Variants in RCHY1 observed in about 807,000 individuals in gnomAD.
The protein encoded by RCHY1 is RING finger and CHY zinc finger domain-containing protein 1.
In RCHY1, 21 loss-of-function variants were observed where a neutral mutation model predicts 41.6. The observed-to-expected ratio is 0.51, with a 90% CI of 0.36 to 0.73. The LOEUF is 0.73. Ranked by LOEUF, RCHY1 falls within the 30% of genes least tolerant of loss-of-function variation. The pLI is 0.00. For missense variants in RCHY1, 265 were observed against 325.3 expected, an observed-to-expected ratio of 0.81 and a Z score of 1.43; for synonymous variants, 79 against 102.9, an observed-to-expected ratio of 0.77 and a Z score of 1.41.
In RCHY1 at chr4:75,514,380, C is replaced by G; in HGVS notation, c.-94G>C. 7.2e-7 allele frequency: 1 copy of G among 1,394,872 alleles called. No individual in the cohort carries two copies. The highest frequency in any genetic ancestry group is 9.7e-7 in the Non-Finnish European group (1 of 1,035,656). 86.4% of individuals were successfully genotyped at this position (1,394,872 alleles called of 1,614,324 possible). A position where few individuals can be genotyped will look rare whatever the true frequency, so the allele number is the denominator to read the frequency against. ...GCCTCTCTAGCACACCCCTCCCAGC[C>G]CCAGCGGCCACTAGCGACAATATGG... On this transcript the variant is annotated 5_prime_UTR_variant, in exon 1 of 9. Coordinates refer to ENST00000324439, the MANE Select transcript of RCHY1 (RefSeq NM_015436.4).
intron 3 of RCHY1, among the ~76,000 whole-genome samples, chr4:75,503,559 G>A (rs562212412): frequency 1.3e-5 from 2 of 152,188 alleles, no homozygotes; most frequent in East Asian, 3.9e-4. Context: ...GCTGGCTGTG[G>A]TGGCGAGTGC....
intron 3 of RCHY1, among the ~76,000 whole-genome samples, chr4:75,498,762 C>T (rs1386200079): frequency 1.3e-5 from 2 of 152,172 alleles, no homozygotes; most frequent in African/African-American, 4.8e-5. Context: ...CTAGATGCTT[C>T]TCTCTCACCG....
At chr4:75,487,183 T>C (rs1722093120) in intron 8 of RCHY1, among the ~76,000 whole-genome samples, 2 of 151,930 alleles carry the variant, frequency 1.3e-5, no homozygotes, top group South Asian at 2.1e-4. Context: ...AAAATTCGCT[T>C]TAGTCCTAAC....
At chr4:75,513,507 G>A (rs550508457) in intron 1 of RCHY1, among the ~76,000 whole-genome samples, 11 of 152,104 alleles carry the variant, frequency 7.2e-5, no homozygotes, top group Non-Finnish European at 1.5e-4. Context: ...TTTGGGGATA[G>A]GGCGGTTGAG....
chr4:75,487,567 TATATATATTCATATATATATTCATA>T (rs1560512581), intron 8 of RCHY1, among the ~76,000 whole-genome samples: 6 of 53,408 alleles, frequency 1.1e-4, no homozygotes, highest in African/African-American at 2.9e-4. Context: ...ATATTCATAA[TATATATATTCATATATATATTCATA>T]ATATATATTC....
Position 75,482,451 on chromosome 4 carries a change from T to C in RCHY1, c.*87A>G, listed in dbSNP as rs996403193. The C allele has an allele frequency of 1.2e-5, 15 of 1,270,226 alleles. No individual in the cohort carries two copies. Among genetic ancestry groups the C allele is most frequent in the South Asian group, 1.8e-5 (1 of 56,916 alleles). The allele number at this position is 1,270,226 out of a possible 1,614,324, so 78.7% of individuals were successfully genotyped here. A position where few individuals can be genotyped will look rare whatever the true frequency, so the allele number is the denominator to read the frequency against. On this transcript the variant is annotated 3_prime_UTR_variant, in exon 9 of 9. Transcript: ENST00000324439. ...TACAAAACACATCAACTCTAATGCA[T>C]AGATGACGACACATGATAACACGAT...
In RCHY1 at chr4:75,495,514, T is replaced by A. The variant is rs553995467; in HGVS notation, c.327-1335A>T. ...GGACGTTGGGAACAGAAGAGATACA[T>A]GAAAATTCTGCATTGTACCCTCAAG... On this transcript the variant is annotated intron_variant, in intron 3 of 8. Coordinates refer to ENST00000324439, the MANE Select transcript of RCHY1 (RefSeq NM_015436.4). 7.2e-5 allele frequency among the ~76,000 whole-genome samples: 11 copies of A among 152,110 alleles called. No individual in the cohort carries two copies. In the South Asian group the frequency reaches 1.2e-3, roughly 17 times the overall value.
At position 75,482,344 on chromosome 4, in the gene RCHY1, T is replaced by C. The variant is rs567213686; in HGVS notation, c.*194A>G. On this transcript the variant is annotated 3_prime_UTR_variant, in exon 9 of 9. Transcript: ENST00000324439. ...CAAAACACAAGCACAGTGGCTTTCA[T>C]TCAATATAGAGCTATGATAAGTCTA... The C allele has an allele frequency of 6.7e-4, 260 of 387,024 alleles. 1 individual carries two copies. Among genetic ancestry groups the C allele is most frequent in the Non-Finnish European group, 9.7e-4 (221 of 227,062 alleles). 24.0% of individuals were successfully genotyped at this position (387,024 alleles called of 1,614,324 possible). A position where few individuals can be genotyped will look rare whatever the true frequency, so the allele number is the denominator to read the frequency against.
At chr4:75,497,140 C>T (rs192015295) in intron 3 of RCHY1, among the ~76,000 whole-genome samples, 347 of 152,054 alleles carry the variant, frequency 2.3e-3, no homozygotes, top group African/African-American at 7.8e-3. Flanking sequence ...AGAAACTATC[C>T]GAAATGAAAT....
intron 1 of RCHY1, 29 bp downstream of exon 1, chr4:75,514,168 G>C (rs1259570645): frequency 1.3e-6 from 2 of 1,591,350 alleles, no homozygotes; most frequent in African/African-American, 1.3e-5. Context: ...ACGGAAGCTT[G>C]TCAGGGAAGA....
chr4:75,487,435 CTA>C (rs1322227241), intron 8 of RCHY1, among the ~76,000 whole-genome samples: 2 of 138,254 alleles, frequency 1.4e-5, no homozygotes, highest in Non-Finnish European at 3.1e-5. Context: ...ATATAAATGA[CTA>C]TATATAAATA....
At chr4:75,487,824 A>ATATATATTCATAATATATATTC (rs1560513634) in intron 8 of RCHY1, among the ~76,000 whole-genome samples, 1 of 54,568 alleles carries the variant, frequency 1.8e-5, no homozygotes, top group African/African-American at 6.6e-5. Context: ...ATATATTCAT[A>ATATATATTCATAATATATATTC]ATATATATAT....
intron 1 of RCHY1, among the ~76,000 whole-genome samples, chr4:75,513,113 T>G (rs1229596860): frequency 6.6e-6 from 1 of 152,124 alleles, no homozygotes; most frequent in Non-Finnish European, 1.5e-5. Context: ...CAACACTTGG[T>G]GGATGACCAA....
At position 75,479,593 on chromosome 4, in the gene RCHY1, TAAG is replaced by T. The variant is rs1005502944; in HGVS notation, c.*2942_*2944del. The T allele has an allele frequency of 1.1e-4, 17 of 152,226 alleles. No homozygotes were observed. The highest frequency in any genetic ancestry group is 3.6e-4 in the African/African-American group (15 of 41,564). The allele number at this position is 152,226 out of a possible 1,614,324, so 9.4% of individuals were successfully genotyped here. On this transcript the variant is annotated 3_prime_UTR_variant, in exon 9 of 9. Transcript: ENST00000324439. ...TTCATAAAGAGTTCTATGTACTGGT[TAAG>T]AAGACCCCAGAAACTAAGAAATGAA...
chr4:75,505,827 G>A (rs1340583602), intron 3 of RCHY1, among the ~76,000 whole-genome samples: 3 of 152,112 alleles, frequency 2.0e-5, no homozygotes, highest in Non-Finnish European at 4.4e-5. Flanking sequence ...CAGAGAGAAA[G>A]CAAATATACT....
chr4:75,500,825 AG>A (rs1333792714), intron 3 of RCHY1, among the ~76,000 whole-genome samples: 4 of 152,218 alleles, frequency 2.6e-5, no homozygotes, highest in African/African-American at 9.7e-5. Context: ...TTCCCAAAAA[AG>A]ACTTGGTGCA....
intron 8 of RCHY1, among the ~76,000 whole-genome samples, 177 bp from the exon 9 acceptor site, chr4:75,482,843 A>G (rs1721634923): frequency 6.6e-6 from 1 of 152,004 alleles, no homozygotes; most frequent in Non-Finnish European, 1.5e-5. Flanking sequence ...AAAAGCTATT[A>G]AGGTGGCTCT....
chr4:75,504,177 T>G (rs1359419823), intron 3 of RCHY1, among the ~76,000 whole-genome samples: 1 of 152,220 alleles, frequency 6.6e-6, no homozygotes, highest in Non-Finnish European at 1.5e-5. Context: ...AGCTAGAACC[T>G]ATTAGAAATG....
At chr4:75,492,067 T>A (rs984096535) in intron 4 of RCHY1, 134 bp from the exon 5 acceptor site, 1 of 590,710 alleles carries the variant, frequency 1.7e-6, no homozygotes, top group Non-Finnish European at 2.8e-6. Context: ...GCTTTTTATA[T>A]GTAAGAAGAG....
Sources: gnomAD v4.1 joint callset for allele counts (sites outside exome capture counted in the v4.1 genomes callset) on GRCh38, gnomAD v4.1.1 for gene constraint, MANE v1.5 for transcripts, NCBI Gene and HGNC (gene_info 2026-07-23, HGNC 2026-07-21) for gene names.